DTNA: variants seen among roughly 807,000 people sequenced by gnomAD.
DTNA encodes dystrophin-related protein 3.
Under a neutral mutation model 100.7 loss-of-function variants are expected in DTNA, and 43 were observed. The observed-to-expected ratio is 0.43, with a 90% CI of 0.33 to 0.55. DTNA has a LOEUF of 0.55. Ranked by LOEUF, DTNA falls within the 20% of genes least tolerant of loss-of-function variation. The pLI, the probability that DTNA is intolerant of heterozygous loss-of-function variation, is 0.04. For missense variants in DTNA, 798 were observed against 953.9 expected, an observed-to-expected ratio of 0.84 and a Z score of 2.15; for synonymous variants, 349 against 347.9, an observed-to-expected ratio of 1.00 and a Z score of -0.04.
At chr18:34,554,629 T>A (rs2045830843) in intron 1 of DTNA, among the ~76,000 whole-genome samples, 2 of 151,430 alleles carry the variant, frequency 1.3e-5, no homozygotes, top group South Asian at 2.1e-4. Flanking sequence ...TCTATTGAGA[T>A]AATCATGTGG....
chr18:34,693,157 ATCATTCATTCAT>A (rs1266664290), intron 1 of DTNA, among the ~76,000 whole-genome samples: 2 of 152,212 alleles, frequency 1.3e-5, no homozygotes, highest in African/African-American at 4.8e-5. Context: ...ACTTATAATG[ATCATTCATTCAT>A]TCATTCATTT....
At chr18:34,645,260 G>A (rs1414266992) in intron 1 of DTNA, among the ~76,000 whole-genome samples, 1 of 152,038 alleles carries the variant, frequency 6.6e-6, no homozygotes, top group Non-Finnish European at 1.5e-5. Context: ...TGATTTTAAA[G>A]GTGCTCATTA....
intron 1 of DTNA, among the ~76,000 whole-genome samples, chr18:34,695,885 GCATTTACC>G (rs1372343610): frequency 5.9e-5 from 9 of 151,962 alleles, no homozygotes; most frequent in African/African-American, 2.2e-4. Context: ...TTTTTTTTTA[GCATTTACC>G]CATTCTCTAA....
intron 1 of DTNA, among the ~76,000 whole-genome samples, chr18:34,618,868 A>G (rs576625081): frequency 2.6e-4 from 39 of 152,230 alleles, no homozygotes; most frequent in Non-Finnish European, 4.1e-4. Flanking sequence ...TGTGGATGCA[A>G]TCTCTGCCCC....
chr18:34,769,753 C>CTTTTTTTTTTTGTTTTTTT (rs1568462894), intron 3 of DTNA, among the ~76,000 whole-genome samples: 1 of 33,170 alleles, frequency 3.0e-5, no homozygotes, highest in Non-Finnish European at 8.1e-5. Flanking sequence ...CAGAGTTTCA[C>CTTTTTTTTTTTGTTTTTTT]TCTTTTTTCC....
chr18:34,833,522 T>C (rs1242877342), intron 11 of DTNA, among the ~76,000 whole-genome samples: 3 of 152,168 alleles, frequency 2.0e-5, no homozygotes, highest in African/African-American at 7.2e-5. Context: ...AGAGGATTTT[T>C]GTTAGAAAAA....
chr18:34,572,706 C>G (rs2047709008), intron 1 of DTNA, among the ~76,000 whole-genome samples: 1 of 152,088 alleles, frequency 6.6e-6, no homozygotes, highest in African/African-American at 2.4e-5. Flanking sequence ...ACCAGTTCTA[C>G]TATTAGGTGC....
intron 1 of DTNA, among the ~76,000 whole-genome samples, chr18:34,608,300 G>A (rs1358144756): frequency 1.3e-5 from 2 of 152,182 alleles, no homozygotes; most frequent in Non-Finnish European, 2.9e-5. Context: ...ATAAGTAGCT[G>A]TCTGTTACTA....
At chr18:34,649,737 C>A (rs1272119996) in intron 1 of DTNA, among the ~76,000 whole-genome samples, 1 of 152,038 alleles carries the variant, frequency 6.6e-6, no homozygotes, top group African/African-American at 2.4e-5. Context: ...GATATCTACT[C>A]CAGATTAACT....
At chr18:34,544,352 A>G (rs2044553005) in intron 1 of DTNA, among the ~76,000 whole-genome samples, 1 of 152,140 alleles carries the variant, frequency 6.6e-6, no homozygotes, top group African/African-American at 2.4e-5. Flanking sequence ...AACTCTTGCT[A>G]TAGCTGAAGC....
At chr18:34,727,651 A>C (rs1600923905) in intron 1 of DTNA, among the ~76,000 whole-genome samples, 1 of 151,664 alleles carries the variant, frequency 6.6e-6, no homozygotes, top group Non-Finnish European at 1.5e-5. Context: ...TGCAACCTCC[A>C]CCTCCCAGGT....
Position 34,889,172 on chromosome 18 carries a change from A to T in DTNA, c.*1438A>T. ...GCGACCTATTCAATACATTATGCTT[A>T]AATTAGCAGTTTCTCTGGAATTCCT... is the stretch of plus-strand genomic sequence containing the variant. On this transcript the variant is annotated 3_prime_UTR_variant, in exon 23 of 23. Coordinates refer to ENST00000444659, the MANE Select transcript of DTNA (RefSeq NM_001386795.1). 2 of 985,412 alleles carry T rather than the reference A, an allele frequency of 2.0e-6. No individual in the cohort carries two copies. Among genetic ancestry groups the T allele is most frequent in the South Asian group, 9.4e-5 (2 of 21,286 alleles). The allele number at this position is 985,412 out of a possible 1,614,324, so 61.0% of individuals were successfully genotyped here. A position where few individuals can be genotyped will look rare whatever the true frequency, so the allele number is the denominator to read the frequency against.
intron 1 of DTNA, among the ~76,000 whole-genome samples, chr18:34,644,400 G>A (rs891185026): frequency 6.6e-6 from 1 of 152,100 alleles, no homozygotes; most frequent in Admixed American, 6.5e-5. Context: ...TTGCATAGCA[G>A]CTAGTAAAAT....
intron 1 of DTNA, among the ~76,000 whole-genome samples, chr18:34,580,185 A>G (rs929734821): frequency 2.2e-4 from 34 of 152,000 alleles, no homozygotes; most frequent in African/African-American, 7.0e-4. Context: ...TAATGCCCAT[A>G]TATCTATTGA....
At chr18:34,553,474 T>C (rs866247622) in intron 1 of DTNA, among the ~76,000 whole-genome samples, 20 of 151,802 alleles carry the variant, frequency 1.3e-4, no homozygotes, top group Admixed American at 9.2e-4. Flanking sequence ...TCCTGAATGG[T>C]AATGCCTAGG....
intron 16 of DTNA, among the ~76,000 whole-genome samples, chr18:34,858,896 C>CCA (rs2096584134): frequency 6.6e-6 from 1 of 152,258 alleles, no homozygotes; most frequent in South Asian, 2.1e-4. Context: ...CAGGCGTGCG[C>CCA]CACCACACCC....
intron 4 of DTNA, among the ~76,000 whole-genome samples, chr18:34,801,287 A>T (rs945240229): frequency 6.6e-6 from 1 of 152,142 alleles, no homozygotes; most frequent in African/African-American, 2.4e-5. Flanking sequence ...ATACCAATAC[A>T]CAATTTTATT....
At chr18:34,707,025 ATGTGAAAAT>A (rs1054928083), upstream of DTNA, among the ~76,000 whole-genome samples, 11 of 152,204 alleles carry the variant, frequency 7.2e-5, no homozygotes, top group Non-Finnish European at 1.2e-4. Context: ...TTTAACTATG[ATGTGAAAAT>A]TGCATTTTCA....
chr18:34,842,191 C>T (rs1203293961), intron 13 of DTNA, among the ~76,000 whole-genome samples: 1 of 152,128 alleles, frequency 6.6e-6, no homozygotes, highest in Non-Finnish European at 1.5e-5. Flanking sequence ...AGAACTTCTA[C>T]CTCTAACATT....
Sources: gnomAD v4.1 joint callset for allele counts (sites outside exome capture counted in the v4.1 genomes callset) on GRCh38, gnomAD v4.1.1 for gene constraint, MANE v1.5 for transcripts, NCBI Gene and HGNC (gene_info 2026-07-23, HGNC 2026-07-21) for gene names.